GLIS3: variants seen among roughly 807,000 people sequenced by gnomAD.
GLIS3 encodes zinc finger protein GLIS3.
Under a neutral mutation model 78.6 loss-of-function variants are expected in GLIS3, and 53 were observed. That is an observed-to-expected ratio of 0.67 (90% confidence interval 0.54 to 0.85). The LOEUF (loss-of-function observed/expected upper bound fraction) is 0.85, where lower values mean the gene tolerates loss of function less well. Among genes scored for constraint, GLIS3 ranks in the 40% least tolerant of loss-of-function variants. GLIS3 has a pLI of 0.00. For synonymous variants in GLIS3, 684 were observed against 509.9 expected, an observed-to-expected ratio of 1.34 and a Z score of -4.60; for missense variants, 1,703 against 1,231.1, an observed-to-expected ratio of 1.38 and a Z score of -5.74.
the GLIS3 span, among the ~76,000 whole-genome samples, chr9:4,410,076 TC>T: frequency 3.3e-5 from 5 of 151,830 alleles, no homozygotes; most frequent in Non-Finnish European, 7.4e-5. Flanking sequence ...ATTCAAGTGA[TC>T]CTAGTGCCTC....
intron 2 of GLIS3, among the ~76,000 whole-genome samples, chr9:4,148,582 T>A (rs774283659): frequency 6.6e-6 from 1 of 151,952 alleles, no homozygotes; most frequent in Non-Finnish European, 1.5e-5. Context: ...GGCAGGCCCA[T>A]GAGGACAGGG....
At chr9:3,832,371 G>C (rs1210657124) in intron 9 of GLIS3, among the ~76,000 whole-genome samples, 1 of 152,060 alleles carries the variant, frequency 6.6e-6, no homozygotes. Flanking sequence ...ATGTAAGAAA[G>C]GACAAAGCAG....
the GLIS3 span, among the ~76,000 whole-genome samples, chr9:4,483,423 A>G: frequency 1.3e-5 from 2 of 152,176 alleles, no homozygotes; most frequent in South Asian, 2.1e-4. Flanking sequence ...TGTTCCTTAC[A>G]TAAGAGGTGT....
At chr9:4,210,269 T>C (rs903012465) in intron 2 of GLIS3, among the ~76,000 whole-genome samples, 3 of 152,234 alleles carry the variant, frequency 2.0e-5, no homozygotes, top group African/African-American at 7.2e-5. Flanking sequence ...TGTGGTATGG[T>C]TAATCATTCC....
At chr9:4,395,219 C>T in the GLIS3 span, among the ~76,000 whole-genome samples, 1 of 152,140 alleles carries the variant, frequency 6.6e-6, no homozygotes, top group Non-Finnish European at 1.5e-5. Context: ...CCAGTCACAT[C>T]TTCTCCCTTA....
intron 8 of GLIS3, among the ~76,000 whole-genome samples, chr9:3,856,915 C>T (rs1819832552): frequency 6.6e-6 from 1 of 152,142 alleles, no homozygotes; most frequent in Non-Finnish European, 1.5e-5. Flanking sequence ...GAGATGTTGT[C>T]AAGAAACCTG....
At chr9:4,343,334 C>T (rs1305323245) in intron 2 of GLIS3, among the ~76,000 whole-genome samples, 1 of 152,118 alleles carries the variant, frequency 6.6e-6, no homozygotes, top group Non-Finnish European at 1.5e-5. Context: ...AGAGCTAGCA[C>T]CTGTCTCAAC....
At chr9:4,013,075 A>C (rs1242737930) in intron 4 of GLIS3, among the ~76,000 whole-genome samples, 1 of 152,072 alleles carries the variant, frequency 6.6e-6, no homozygotes, top group Non-Finnish European at 1.5e-5. Context: ...TTATATGGAA[A>C]TAGAGCAAAA....
chr9:4,207,819 G>C (rs530556630), intron 2 of GLIS3, among the ~76,000 whole-genome samples: 1 of 152,090 alleles, frequency 6.6e-6, no homozygotes, highest in Non-Finnish European at 1.5e-5. Flanking sequence ...CCTCCAAACA[G>C]GTATGAGGCA....
chr9:3,849,972 G>A (rs761516983), intron 9 of GLIS3, among the ~76,000 whole-genome samples: 11 of 152,120 alleles, frequency 7.2e-5, no homozygotes, highest in Non-Finnish European at 1.5e-4. Flanking sequence ...TGTTGGTGCG[G>A]TTGCTGTAAC....
chr9:4,233,817 A>G (rs1414137984), intron 2 of GLIS3, among the ~76,000 whole-genome samples: 2 of 152,216 alleles, frequency 1.3e-5, no homozygotes, highest in East Asian at 3.8e-4. Context: ...ATCTACATTG[A>G]AAGTCTGTTT....
chr9:4,108,298 T>C (rs1365605116), intron 4 of GLIS3, among the ~76,000 whole-genome samples: 1 of 152,106 alleles, frequency 6.6e-6, no homozygotes, highest in Non-Finnish European at 1.5e-5. Context: ...CTGTTCACCA[T>C]TATATATATG....
the GLIS3 span, among the ~76,000 whole-genome samples, chr9:4,454,506 C>A: frequency 1.3e-5 from 2 of 152,280 alleles, no homozygotes; most frequent in African/African-American, 4.8e-5. Context: ...AAGTCCAGGT[C>A]CCTTTGCCCT....
the GLIS3 span, among the ~76,000 whole-genome samples, chr9:4,372,740 T>C: frequency 2.0e-5 from 3 of 152,114 alleles, no homozygotes; most frequent in African/African-American, 4.8e-5. Context: ...CTCCTAAAAA[T>C]AGAATCAAGG....
intron 8 of GLIS3, among the ~76,000 whole-genome samples, chr9:3,863,372 G>T (rs1323051509): frequency 6.6e-6 from 1 of 152,198 alleles, no homozygotes; most frequent in Non-Finnish European, 1.5e-5. Context: ...ATCAAGACCA[G>T]CTTTCAGTAA....
intron 4 of GLIS3, among the ~76,000 whole-genome samples, chr9:3,961,928 G>A (rs184345187): frequency 7.0e-4 from 106 of 152,262 alleles, no homozygotes; most frequent in African/African-American, 1.8e-3. Context: ...TTACTGGCCC[G>A]GCATGGTGGC....
At chr9:3,856,754 C>T (rs536128242) in intron 8 of GLIS3, among the ~76,000 whole-genome samples, 1 of 152,150 alleles carries the variant, frequency 6.6e-6, no homozygotes, top group Non-Finnish European at 1.5e-5. Flanking sequence ...TGGCTTGAAA[C>T]CCACAACCCA....
At chr9:3,882,152 C>T (rs1387211329) in intron 7 of GLIS3, among the ~76,000 whole-genome samples, 1 of 152,164 alleles carries the variant, frequency 6.6e-6, no homozygotes, top group African/African-American at 2.4e-5. Flanking sequence ...ACAAGACATC[C>T]TCGGTGCCTG....
the GLIS3 span, among the ~76,000 whole-genome samples, chr9:4,453,660 A>G: frequency 2.0e-5 from 3 of 152,342 alleles, no homozygotes; most frequent in South Asian, 6.2e-4. Flanking sequence ...ATGGAATACT[A>G]TGCAGCCATA....
Sources: allele counts gnomAD v4.1 joint callset (sites outside exome capture counted in the v4.1 genomes callset), GRCh38; gene constraint gnomAD v4.1.1; transcripts MANE v1.5; gene names NCBI Gene and HGNC (gene_info 2026-07-23, HGNC 2026-07-21).